The following STK17B variants were observed in gnomAD, a reference collection of about 807,000 sequenced individuals.
STK17B encodes serine/threonine kinase 17b, also known as serine/threonine-protein kinase 17B.
STK17B carries 21 observed loss-of-function variants against 42.0 expected under a neutral mutation model. The ratio of observed to expected loss-of-function variants is 0.50; its 90% CI spans 0.35 to 0.72. The LOEUF (loss-of-function observed/expected upper bound fraction) is 0.72. Among genes scored for constraint, STK17B ranks in the 30% least tolerant of loss-of-function variants. The probability of loss-of-function intolerance (pLI) is 0.00; values close to 1 mark genes in which losing one functional copy is unlikely to be tolerated. For missense variants in STK17B, 349 were observed against 446.0 expected (o/e 0.78, Z 1.96); for synonymous variants, 143 against 148.4 (o/e 0.96, Z 0.26).
chr2:196,156,678 T>C (rs1326359099), intron 2 of STK17B, 27 bp from the exon 3 acceptor site: 17 of 1,568,750 alleles, frequency 1.1e-5, no homozygotes, highest in Non-Finnish European at 1.5e-5. Context: ...ACAATCAATT[T>C]TAATTTTTCT....
intron 1 of STK17B, among the ~76,000 whole-genome samples, chr2:196,170,531 G>A (rs982585286): frequency 6.6e-6 from 1 of 152,190 alleles, no homozygotes; most frequent in Admixed American, 6.5e-5. Context: ...ACTAATGCCA[G>A]CTACCAGCTG....
intron 6 of STK17B, among the ~76,000 whole-genome samples, chr2:196,140,275 G>T (rs147415582): frequency 2.5e-3 from 387 of 152,346 alleles, no homozygotes; most frequent in Non-Finnish European, 4.1e-3. Flanking sequence ...CCAGGAGCCA[G>T]AAAAAGACAA....
intron 2 of STK17B, among the ~76,000 whole-genome samples, chr2:196,157,536 A>G (rs973899340): frequency 6.6e-6 from 1 of 152,198 alleles, no homozygotes; most frequent in African/African-American, 2.4e-5. Flanking sequence ...TGTTTTAGCA[A>G]TATGTCTCTT....
chr2:196,164,521 T>C (rs1196610646), intron 1 of STK17B, among the ~76,000 whole-genome samples: 7 of 152,246 alleles, frequency 4.6e-5, no homozygotes, highest in Non-Finnish European at 7.3e-5. Context: ...TTATGACTTA[T>C]TGCTATGCCT....
At chr2:196,154,471 A>G (rs1699712394) in intron 3 of STK17B, 1 of 152,246 alleles carries the variant, frequency 6.6e-6, no homozygotes, top group South Asian at 2.1e-4. Context: ...CACAAAAAGG[A>G]ATATCATAAT....
At chr2:196,155,421 T>C (rs1575180901) in intron 3 of STK17B, among the ~76,000 whole-genome samples, 1 of 152,316 alleles carries the variant, frequency 6.6e-6, no homozygotes, top group African/African-American at 2.4e-5. Context: ...CATTCACAAG[T>C]TGATTCCAGC....
chr2:196,170,519 A>G (rs1699926186), intron 1 of STK17B, among the ~76,000 whole-genome samples: 1 of 152,236 alleles, frequency 6.6e-6, no homozygotes, highest in Admixed American at 6.5e-5. Flanking sequence ...GTCCAGACAG[A>G]AACTAATGCC....
chr2:196,163,948 A>G (rs2105711235), intron 1 of STK17B, among the ~76,000 whole-genome samples: 1 of 152,126 alleles, frequency 6.6e-6, no homozygotes, highest in East Asian at 1.9e-4. Context: ...CTGAGGCAGG[A>G]GCATCACTTG....
intron 3 of STK17B, among the ~76,000 whole-genome samples, chr2:196,152,707 A>G (rs1290890798): frequency 6.6e-6 from 1 of 152,232 alleles, no homozygotes; most frequent in South Asian, 2.1e-4. Flanking sequence ...AAACAAAAAT[A>G]CAAGGTGCAA....
chr2:196,164,731 T>A (rs1699855792), intron 1 of STK17B, among the ~76,000 whole-genome samples: 1 of 152,168 alleles, frequency 6.6e-6, no homozygotes, highest in African/African-American at 2.4e-5. Flanking sequence ...GTTTCTACAT[T>A]TTCTCTTCTT....
chr2:196,139,601 T>A lies in STK17B; in HGVS notation c.836+19A>T, dbSNP rs1221383011. ...AACAAATTAAATTTGTAATAGTATT[T>A]AAACAAATTATTACTTACTCTGGAT... On this transcript the variant is annotated intron_variant, in intron 7 of 7. Transcript: ENST00000263955. The A allele has an allele frequency of 2.2e-6, 3 of 1,342,198 alleles. No homozygotes were observed. The highest frequency in any genetic ancestry group is 2.9e-6 in the Non-Finnish European group (3 of 1,035,382). 83.1% of individuals were successfully genotyped at this position (1,342,198 alleles called of 1,614,324 possible).
In STK17B at chr2:196,137,285, T is replaced by C. The variant is rs1355888427; in HGVS notation, c.*162A>G. On this transcript the variant is annotated 3_prime_UTR_variant, in exon 8 of 8. Transcript: ENST00000263955. ...TATCTCAGGATATGAAATCATAACA[T>C]GCTAGCAACTAGTAATTTAACATTA... The C allele has an allele frequency of 5.7e-6, 4 of 704,180 alleles. No homozygotes were observed. Among genetic ancestry groups the C allele is most frequent in the East Asian group, 2.8e-5 (1 of 35,168 alleles). The allele number at this position is 704,180 out of a possible 1,614,324, so 43.6% of individuals were successfully genotyped here. A position where few individuals can be genotyped will look rare whatever the true frequency, so the allele number is the denominator to read the frequency against.
At chr2:196,158,646 A>T (rs1164527146) in intron 2 of STK17B, among the ~76,000 whole-genome samples, 1 of 152,202 alleles carries the variant, frequency 6.6e-6, no homozygotes, top group Non-Finnish European at 1.5e-5. Context: ...TCGGAGCCTC[A>T]AGAATAAAAC....
intron 5 of STK17B, among the ~76,000 whole-genome samples, chr2:196,142,222 C>A (rs1699504476): frequency 6.6e-6 from 1 of 152,108 alleles, no homozygotes; most frequent in Non-Finnish European, 1.5e-5. Context: ...CCACACCTGG[C>A]TAATTTTGTA....
intron 2 of STK17B, among the ~76,000 whole-genome samples, chr2:196,157,149 C>CA (rs202147188): frequency 0.014 from 1,362 of 98,038 alleles, 37 homozygotes; most frequent in East Asian, 0.14. Flanking sequence ...GAGACTGTCT[C>CA]AAAAAAAAAA....
At chr2:196,172,148 C>T (rs1699956100), upstream of STK17B, among the ~76,000 whole-genome samples, 1 of 152,186 alleles carries the variant, frequency 6.6e-6, no homozygotes, top group African/African-American at 2.4e-5. Context: ...AACCTAGACC[C>T]CACTGCTAAC....
Position 196,137,675 on chromosome 2 carries a change from G to T in STK17B, c.891C>A (p.Asp297Glu). Residue 297 changes from aspartate to glutamate, a missense_variant, in exon 8 of 8, where the codon GAC becomes GAA. Physicochemically the swap from Asp to Glu is conservative, Grantham distance 45. Around this residue, in one of 3 missense-constraint regions of STK17B, gnomAD observed 6 missense variants for 19.6 expected, o/e 0.31. Transcript: ENST00000263955. ...CLSHSWLQQW[D>E]FENLFHPEET... ...CTTCAGGGTGAAACAAGTTTTCAAAGTCCCACTGCTGTAGCCAAGAATGAG... is the reference window on the plus strand; with the variant it reads ...CTTCAGGGTGAAACAAGTTTTCAAATTCCCACTGCTGTAGCCAAGAATGAG... 1 of 1,614,070 alleles carries T rather than the reference G, an allele frequency of 6.2e-7. No individual in the cohort carries two copies. The highest frequency in any genetic ancestry group is 1.7e-5 in the Admixed American group (1 of 60,018).
At chr2:196,140,755 G>A (rs1699482897) in intron 6 of STK17B, among the ~76,000 whole-genome samples, 1 of 151,956 alleles carries the variant, frequency 6.6e-6, no homozygotes, top group African/African-American at 2.4e-5. Flanking sequence ...AGTAGAGATA[G>A]GGTTCTGCTA....
intron 3 of STK17B, among the ~76,000 whole-genome samples, chr2:196,150,179 T>TAAAAA (rs143244008): frequency 3.5e-5 from 4 of 113,514 alleles, no homozygotes; most frequent in Non-Finnish European, 3.6e-5. Flanking sequence ...GAGCAGTGAC[T>TAAAAA]AAAAAAAAAA....
Sources: allele counts gnomAD v4.1 joint callset (sites outside exome capture counted in the v4.1 genomes callset), GRCh38; gene constraint gnomAD v4.1.1; regional missense constraint gnomAD v4.1.1; transcripts MANE v1.5; gene names NCBI Gene and HGNC (gene_info 2026-07-23, HGNC 2026-07-21).